Variants in RASSF8 observed in about 807,000 individuals in gnomAD.
RASSF8 encodes the protein ras association domain-containing protein 8.
In RASSF8, 22 loss-of-function variants were observed where a neutral mutation model predicts 48.5. The ratio of observed to expected loss-of-function variants is 0.45; its 90% CI spans 0.32 to 0.65. The LOEUF (loss-of-function observed/expected upper bound fraction) is 0.65, where lower values mean the gene tolerates loss of function less well. Among genes scored for constraint, RASSF8 ranks in the 30% least tolerant of loss-of-function variants. The probability of loss-of-function intolerance (pLI) is 0.03; values close to 1 mark genes in which losing one functional copy is unlikely to be tolerated. For synonymous variants in RASSF8, 127 were observed against 171.5 expected (o/e 0.74, Z 2.03); for missense variants, 418 against 489.2 (o/e 0.85, Z 1.37).
At chr12:26,028,709 A>G (rs1393834797) in intron 2 of RASSF8, among the ~76,000 whole-genome samples, 3 of 152,204 alleles carry the variant, frequency 2.0e-5, no homozygotes, top group Non-Finnish European at 4.4e-5. Context: ...GGAGGGGTGA[A>G]TGAGGAAGAG....
At chr12:26,000,113 G>A (rs1435578919) in intron 2 of RASSF8, among the ~76,000 whole-genome samples, 2 of 152,080 alleles carry the variant, frequency 1.3e-5, no homozygotes, top group Non-Finnish European at 1.5e-5. Flanking sequence ...ATGTTTATAC[G>A]GTAAAGAAGA....
At chr12:26,035,602 A>G (rs1182916576) in intron 2 of RASSF8, among the ~76,000 whole-genome samples, 1 of 144,070 alleles carries the variant, frequency 6.9e-6, no homozygotes, top group Non-Finnish European at 1.5e-5. Flanking sequence ...TTGTATACAT[A>G]ATTATATATA....
chr12:26,074,857 G>A (rs534559772), downstream of RASSF8, among the ~76,000 whole-genome samples: 3 of 152,268 alleles, frequency 2.0e-5, no homozygotes, highest in East Asian at 5.8e-4. Flanking sequence ...CAAGAGAGAT[G>A]GGAAGTAGGC....
intron 1 of RASSF8, among the ~76,000 whole-genome samples, chr12:25,968,977 A>C (rs1941421580): frequency 6.6e-6 from 1 of 152,210 alleles, no homozygotes; most frequent in South Asian, 2.1e-4. Context: ...GGCTGCCTAC[A>C]GGAAGAACGC....
chr12:26,078,669 G>T (rs1334024362), intron 5 of RASSF8, among the ~76,000 whole-genome samples: 1 of 152,184 alleles, frequency 6.6e-6, no homozygotes, highest in African/African-American at 2.4e-5. Flanking sequence ...TCACAGGTAA[G>T]ATGTCCTTCT....
rs2137345757 is a variant in RASSF8, at chr12:26,072,167, C to T, written c.*3349C>T. 3 of 979,892 alleles carry T rather than the reference C, an allele frequency of 3.1e-6. No homozygotes were observed. 60.7% of individuals were successfully genotyped at this position (979,892 alleles called of 1,614,324 possible). A position where few individuals can be genotyped will look rare whatever the true frequency, so the allele number is the denominator to read the frequency against. On this transcript the variant is annotated 3_prime_UTR_variant, in exon 6 of 6. Coordinates refer to ENST00000689635, the MANE Select transcript of RASSF8 (RefSeq NM_001394098.1). ...AACGATGCTGTGTTCACATCCCTCT[C>T]CTACCTAAAGTTGTCTTTATTGGTT... is the stretch of plus-strand genomic sequence containing the variant.
intron 2 of RASSF8, among the ~76,000 whole-genome samples, chr12:26,025,814 A>G (rs892103203): frequency 3.3e-5 from 5 of 152,080 alleles, no homozygotes; most frequent in African/African-American, 1.2e-4. Context: ...TAAAATGCTT[A>G]GGAATAAATT....
chr12:26,062,870 G>A (rs1427358633), intron 3 of RASSF8, among the ~76,000 whole-genome samples: 1 of 152,150 alleles, frequency 6.6e-6, no homozygotes, highest in African/African-American at 2.4e-5. Flanking sequence ...AAGCGTTTTA[G>A]AAGGGAAGTT....
At chr12:26,005,912 G>A (rs549058329) in intron 2 of RASSF8, among the ~76,000 whole-genome samples, 1 of 152,230 alleles carries the variant, frequency 6.6e-6, no homozygotes, top group East Asian at 1.9e-4. Flanking sequence ...TAAGTCCAGA[G>A]TTCTGTATCA....
chr12:26,078,339 G>T (rs764466230), intron 5 of RASSF8, among the ~76,000 whole-genome samples: 16 of 152,210 alleles, frequency 1.1e-4, no homozygotes, highest in Non-Finnish European at 1.3e-4. Context: ...TTAAAAGATG[G>T]CCTTGGAGTA....
chr12:26,046,926 T>C lies in RASSF8; in HGVS notation c.-108-8310T>C, dbSNP rs575062963. Among the ~76,000 whole-genome samples, 108 of 152,340 alleles carry C rather than the reference T, an allele frequency of 7.1e-4. 1 individual carries two copies. The highest frequency in any genetic ancestry group is 8.8e-4 in the Non-Finnish European group (60 of 68,030). On this transcript the variant is annotated intron_variant, in intron 2 of 5. Coordinates refer to ENST00000689635, the MANE Select transcript of RASSF8 (RefSeq NM_001394098.1). ...ATTATACTCACTGTCAGTTTTCTCATGATTTGTGAAAGAAAGCCATGAAAT... is the reference window on the plus strand; with the variant it reads ...ATTATACTCACTGTCAGTTTTCTCACGATTTGTGAAAGAAAGCCATGAAAT...
At position 26,071,603 on chromosome 12, in the gene RASSF8, C is replaced by T; in HGVS notation, c.*2785C>T. 1 of 985,074 alleles carries T rather than the reference C, an allele frequency of 1.0e-6. No individual in the cohort carries two copies. The highest frequency in any genetic ancestry group is 1.2e-6 in the Non-Finnish European group (1 of 829,708). 61.0% of individuals were successfully genotyped at this position (985,074 alleles called of 1,614,324 possible). A position where few individuals can be genotyped will look rare whatever the true frequency, so the allele number is the denominator to read the frequency against. ...ATAGTGTCCATAGTCCCTTTCTTGT[C>T]CTTCTGAGATATTTTGGTTTGATAA... On this transcript the variant is annotated 3_prime_UTR_variant, in exon 6 of 6. Transcript: ENST00000689635.
chr12:25,992,422 A>G (rs540214129), intron 1 of RASSF8, among the ~76,000 whole-genome samples: 39 of 152,286 alleles, frequency 2.6e-4, no homozygotes, highest in African/African-American at 9.4e-4. Context: ...ATTACATATT[A>G]CCTGCCTCAC....
intron 2 of RASSF8, among the ~76,000 whole-genome samples, chr12:26,031,022 A>G (rs1180097451): frequency 3.3e-5 from 5 of 152,176 alleles, no homozygotes; most frequent in Non-Finnish European, 7.3e-5. Flanking sequence ...GCAGTAGGAA[A>G]TATGATATTT....
chr12:26,067,099 C>T (rs980700897), intron 4 of RASSF8, among the ~76,000 whole-genome samples: 7 of 152,180 alleles, frequency 4.6e-5, no homozygotes, highest in Non-Finnish European at 1.0e-4. Flanking sequence ...TTACAATTAA[C>T]TTTGTAGTTA....
chr12:26,029,891 A>G (rs907225741), intron 2 of RASSF8, among the ~76,000 whole-genome samples: 6 of 152,192 alleles, frequency 3.9e-5, no homozygotes, highest in African/African-American at 1.4e-4. Context: ...CCTCAGAGAT[A>G]TTTATTCTTA....
intron 1 of RASSF8, among the ~76,000 whole-genome samples, chr12:25,972,593 C>A (rs1000619651): frequency 6.6e-6 from 1 of 152,014 alleles, no homozygotes; most frequent in Non-Finnish European, 1.5e-5. Context: ...TGGGTAAATC[C>A]TTTTCTTTTT....
chr12:26,039,161 A>G (rs773919460), intron 2 of RASSF8, among the ~76,000 whole-genome samples: 1 of 152,226 alleles, frequency 6.6e-6, no homozygotes, highest in Non-Finnish European at 1.5e-5. Context: ...GGTCAGGTTC[A>G]GAAGGTGAAT....
chr12:26,021,291 A>C (rs1444072247), intron 2 of RASSF8: 2 of 152,238 alleles, frequency 1.3e-5, no homozygotes, highest in Non-Finnish European at 2.9e-5. Flanking sequence ...CAAGTCCTGC[A>C]CTTGAGCTAT....
Sources: gnomAD v4.1 joint callset for allele counts (sites outside exome capture counted in the v4.1 genomes callset) on GRCh38, gnomAD v4.1.1 for gene constraint, MANE v1.5 for transcripts, NCBI Gene and HGNC (gene_info 2026-07-23, HGNC 2026-07-21) for gene names.